AK8: variants seen among roughly 807,000 people sequenced by gnomAD.
The protein encoded by AK8 is adenylate kinase 8.
Under a neutral mutation model 54.6 loss-of-function variants are expected in AK8, and 44 were observed. The ratio of observed to expected loss-of-function variants is 0.81; its 90% CI spans 0.63 to 1.04. AK8 has a LOEUF of 1.04. AK8 is among the 50% of genes least tolerant of loss of function. The probability of loss-of-function intolerance (pLI) is 0.00; values close to 1 mark genes in which losing one functional copy is unlikely to be tolerated. For synonymous variants in AK8, 239 were observed against 245.6 expected, an observed-to-expected ratio of 0.97 and a Z score of 0.25; for missense variants, 555 against 613.6, an observed-to-expected ratio of 0.90 and a Z score of 1.01.
At chr9:132,795,874 A>C (rs183861309) in intron 10 of AK8, among the ~76,000 whole-genome samples, 1 of 152,306 alleles carries the variant, frequency 6.6e-6, no homozygotes, top group Admixed American at 6.5e-5. Context: ...TGAGATCAGA[A>C]TGGTGGATCC....
chr9:132,776,539 G>A (rs139950722), intron 11 of AK8, among the ~76,000 whole-genome samples: 1,528 of 152,346 alleles, frequency 0.01, 28 homozygotes, highest in African/African-American at 0.035. Context: ...TGTGGGGGCG[G>A]TGGATCCAAA....
At chr9:132,856,251 C>T (rs921604163) in intron 4 of AK8, among the ~76,000 whole-genome samples, 6 of 152,204 alleles carry the variant, frequency 3.9e-5, no homozygotes, top group African/African-American at 1.4e-4. Context: ...CCTGGCACAG[C>T]CTTTCTTATG....
At chr9:132,811,694 T>C (rs1249080304) in intron 10 of AK8, among the ~76,000 whole-genome samples, 1 of 152,218 alleles carries the variant, frequency 6.6e-6, no homozygotes, top group African/African-American at 2.4e-5. Flanking sequence ...CGCACACTGA[T>C]GGTGGGAGCG....
At chr9:132,852,609 CA>C (rs35481626) in intron 5 of AK8, among the ~76,000 whole-genome samples, 48,870 of 128,588 alleles carry the variant, frequency 0.38, 10,191 homozygotes, top group South Asian at 0.57. Context: ...GACTCCATCT[CA>C]AAAAAAAAAA....
intron 11 of AK8, among the ~76,000 whole-genome samples, chr9:132,749,165 C>T (rs1400167893): frequency 1.3e-5 from 2 of 151,980 alleles, no homozygotes; most frequent in African/African-American, 2.4e-5. Context: ...TGAGCCACTG[C>T]GCCCAGTAAA....
intron 5 of AK8, among the ~76,000 whole-genome samples, chr9:132,848,070 C>T (rs1019191500): frequency 6.6e-5 from 9 of 137,216 alleles, no homozygotes; most frequent in African/African-American, 1.9e-4. Flanking sequence ...GAGCCATGAC[C>T]GTGCCATTGC....
At chr9:132,788,514 A>T (rs1839810053) in intron 11 of AK8, among the ~76,000 whole-genome samples, 1 of 152,274 alleles carries the variant, frequency 6.6e-6, no homozygotes, top group Admixed American at 6.5e-5. Context: ...CATAGCTGAC[A>T]GAAACCTTTA....
At chr9:132,804,422 A>G (rs1274318042) in intron 10 of AK8, among the ~76,000 whole-genome samples, 2 of 152,134 alleles carry the variant, frequency 1.3e-5, no homozygotes, top group African/African-American at 4.8e-5. Context: ...AGTAAAAACC[A>G]ACCAAAGGCT....
At chr9:132,797,618 T>C (rs1840234759) in intron 10 of AK8, among the ~76,000 whole-genome samples, 1 of 152,118 alleles carries the variant, frequency 6.6e-6, no homozygotes, top group African/African-American at 2.4e-5. Flanking sequence ...CACAAGCACG[T>C]GAGGTTCATT....
chr9:132,828,323 T>C (rs562910730), intron 6 of AK8, among the ~76,000 whole-genome samples: 4 of 152,174 alleles, frequency 2.6e-5, no homozygotes, highest in Non-Finnish European at 5.9e-5. Flanking sequence ...CTGTTAACAA[T>C]TTCCCTCGTC....
chr9:132,847,087 T>C (rs1293032077), intron 5 of AK8, among the ~76,000 whole-genome samples: 1 of 152,238 alleles, frequency 6.6e-6, no homozygotes, highest in Non-Finnish European at 1.5e-5. Flanking sequence ...GCAGGCCAGC[T>C]CCCGGCTTCT....
chr9:132,856,277 G>T (rs1843170592), intron 4 of AK8, among the ~76,000 whole-genome samples: 1 of 152,266 alleles, frequency 6.6e-6, no homozygotes, highest in Non-Finnish European at 1.5e-5. Context: ...CAGAGACTCG[G>T]ACTTGGCATC....
intron 10 of AK8, among the ~76,000 whole-genome samples, chr9:132,802,001 C>T (rs1402316479): frequency 6.6e-6 from 1 of 152,158 alleles, no homozygotes; most frequent in East Asian, 1.9e-4. Flanking sequence ...GACTAGAGGC[C>T]CAAACTCTGC....
At chr9:132,807,825 C>T (rs923943784) in intron 10 of AK8, among the ~76,000 whole-genome samples, 2 of 152,132 alleles carry the variant, frequency 1.3e-5, no homozygotes, top group African/African-American at 4.8e-5. Context: ...AGAATTATGG[C>T]CAATTTCCTT....
rs543787899 is a variant in AK8, at chr9:132,743,906, C to T, written c.1122-16372G>A. On this transcript the variant is annotated intron_variant, in intron 11 of 12. Transcript: ENST00000298545. The stretch of plus-strand genomic sequence containing the variant: ...CTGAATCTAGGACACTCCGTTGCTG[C>T]TCCGCTAAGTTCTCAGATGTAAAAT... Among the ~76,000 whole-genome samples, 5 of 152,332 alleles carry T rather than the reference C, an allele frequency of 3.3e-5. No individual in the cohort carries two copies. In the South Asian group the frequency reaches 1.0e-3, roughly 32 times the overall value.
intron 11 of AK8, among the ~76,000 whole-genome samples, chr9:132,739,316 C>G (rs761330275): frequency 1.3e-5 from 2 of 151,280 alleles, no homozygotes; most frequent in African/African-American, 4.9e-5. Context: ...ATGGCAGATG[C>G]CTGTAATCCC....
At chr9:132,807,522 A>G (rs1326870984) in intron 10 of AK8, among the ~76,000 whole-genome samples, 1 of 152,222 alleles carries the variant, frequency 6.6e-6, no homozygotes, top group Non-Finnish European at 1.5e-5. Flanking sequence ...CAAGCAACTC[A>G]TGAGAACGAG....
chr9:132,822,738 G>A (rs898395448), intron 9 of AK8, among the ~76,000 whole-genome samples: 1 of 152,152 alleles, frequency 6.6e-6, no homozygotes, highest in Non-Finnish European at 1.5e-5. Context: ...TGCGGAGTGA[G>A]AAGTCTTCCT....
chr9:132,775,986 AG>A (rs1372280897), intron 11 of AK8, among the ~76,000 whole-genome samples: 4 of 152,326 alleles, frequency 2.6e-5, no homozygotes, highest in African/African-American at 9.6e-5. Flanking sequence ...CAACACACCT[AG>A]CAACAGGCTG....
Sources: allele counts gnomAD v4.1 joint callset (sites outside exome capture counted in the v4.1 genomes callset), GRCh38; gene constraint gnomAD v4.1.1; transcripts MANE v1.5; gene names NCBI Gene and HGNC (gene_info 2026-07-23, HGNC 2026-07-21).